IL1F10: variants seen among roughly 807,000 people sequenced by gnomAD.
IL1F10 encodes the protein interleukin 1 family member 10, also known as interleukin-1 family member 10.
A neutral mutation model predicts 13.1 loss-of-function variants in IL1F10; 13 were observed. That is an observed-to-expected ratio of 0.99 (90% CI 0.64 to 1.57). The LOEUF is 1.57. Ranked by LOEUF, IL1F10 falls within the 40% of genes most tolerant of loss-of-function variation. The pLI, the probability that IL1F10 is intolerant of heterozygous loss-of-function variation, is 0.00. For synonymous variants in IL1F10, 78 were observed against 68.2 expected, an observed-to-expected ratio of 1.14 and a Z score of -0.71; for missense variants, 191 against 184.1, an observed-to-expected ratio of 1.04 and a Z score of -0.22.
Position 113,075,316 on chromosome 2 carries a change from G to T in IL1F10, c.411G>T (p.Glu137Asp). The T allele has an allele frequency of 6.2e-7, 1 of 1,601,566 alleles. No individual in the cohort carries two copies. The highest frequency in any genetic ancestry group is 8.5e-7 in the Non-Finnish European group (1 of 1,169,862). The change falls in exon 5 of 5, where the codon GAG (glutamate) becomes GAT (aspartate). Residue 137 changes from glutamate (E) to aspartate (D), a missense_variant. Physicochemically the swap from Glu to Asp is conservative, Grantham distance 45. Transcript: ENST00000341010. ...EPQQPVQLTK[E>D]SEPSARTKFY... ...AGCAGCCAGTACAGCTCACCAAGGAGAGTGAGCCCTCAGCCCGTACCAAGT... is the reference window on the plus strand; with the variant it reads ...AGCAGCCAGTACAGCTCACCAAGGATAGTGAGCCCTCAGCCCGTACCAAGT...
In IL1F10 at chr2:113,072,722, C is replaced by T. The variant is rs374088158; in HGVS notation, c.-17C>T. ...CTCCTCCCCATCAGTGAGGACCAGACACCACTGATTGCAGGAATGTGTTCC... is the reference window on the plus strand; with the variant it reads ...CTCCTCCCCATCAGTGAGGACCAGATACCACTGATTGCAGGAATGTGTTCC... On this transcript the variant is annotated 5_prime_UTR_variant, in exon 2 of 5. Coordinates refer to ENST00000341010, the MANE Select transcript of IL1F10 (RefSeq NM_173161.3). 3 of 1,611,894 alleles carry T rather than the reference C, an allele frequency of 1.9e-6. No homozygotes were observed. Among genetic ancestry groups the T allele is most frequent in the East Asian group, 4.5e-5 (2 of 44,874 alleles).
intron 2 of IL1F10, 119 bp from the exon 3 acceptor site, chr2:113,074,210 T>A: frequency 1.5e-6 from 1 of 687,734 alleles, no homozygotes; most frequent in South Asian, 1.7e-5. Context: ...TTACCACCTG[T>A]GAAGGAGAGA....
chr2:113,071,542 C>CT (rs1685834777), intron 1 of IL1F10, among the ~76,000 whole-genome samples: 1 of 152,214 alleles, frequency 6.6e-6, no homozygotes, highest in African/African-American at 2.4e-5. Context: ...ATCCTTCACT[C>CT]TAAGTCTCAA....
chr2:113,074,430 C>T lies in IL1F10; in HGVS notation c.118+16C>T, dbSNP rs1442450676. 1 of 1,590,852 alleles carries T rather than the reference C, an allele frequency of 6.3e-7. No homozygotes were observed. Among genetic ancestry groups the T allele is most frequent in the East Asian group, 2.2e-5 (1 of 44,740 alleles). On this transcript the variant is annotated intron_variant, in intron 3 of 4. Transcript: ENST00000341010. The stretch of plus-strand genomic sequence containing the variant: ...TGCTGTGCAGGTGAGCTTCTGGGGC[C>T]TCCACCCCATGCTCCATCTGCCATA...
At position 113,075,189 on chromosome 2, in the gene IL1F10, A is replaced by T. The variant is rs919752517; in HGVS notation, c.284A>T (p.Glu95Val). 1 of 1,613,140 alleles carries T rather than the reference A, an allele frequency of 6.2e-7. No individual in the cohort carries two copies. Among genetic ancestry groups the T allele is most frequent in the Non-Finnish European group, 8.5e-7 (1 of 1,179,696 alleles). The change falls in exon 5 of 5, where the codon GAG becomes GTG. Residue 95 changes from glutamate (E) to valine (V), a missense_variant. Glu to Val is a moderately radical substitution (Grantham distance 121). Transcript: ENST00000341010. ...GAGGAACTGTACAAAGGTGGTGAAG[A>T]GGCCACACGCTTCACCTTCTTCCAG... ...NIEELYKGGEEATRFTFFQSS... is the reference protein window; with the variant it reads ...NIEELYKGGEVATRFTFFQSS...
At chr2:113,068,165 A>G (rs765938749) in intron 1 of IL1F10, 149 bp downstream of exon 1, 2 of 152,228 alleles carry the variant, frequency 1.3e-5, no homozygotes. Context: ...ATGATGGGAC[A>G]TCAAAAACAT....
chr2:113,070,385 T>C (rs1302738885), intron 1 of IL1F10, among the ~76,000 whole-genome samples: 1 of 151,934 alleles, frequency 6.6e-6, no homozygotes, highest in Non-Finnish European at 1.5e-5. Flanking sequence ...GAATGGGAGG[T>C]TTCTAGGGCC....
intron 1 of IL1F10, among the ~76,000 whole-genome samples, chr2:113,070,446 A>C (rs767878600): frequency 6.6e-6 from 1 of 152,164 alleles, no homozygotes; most frequent in Non-Finnish European, 1.5e-5. Flanking sequence ...CAGCTCTTTG[A>C]GCTGACACTG....
In IL1F10 at chr2:113,074,381, G is replaced by T; in HGVS notation, c.85G>T (p.Val29Leu). Reference sequence around the variant, plus strand: ...ATACACAAGAGATGGCCAGCTGCTGGTGGGAGATCCTGTTGCAGACAACTG... The same window carrying T: ...ATACACAAGAGATGGCCAGCTGCTGTTGGGAGATCCTGTTGCAGACAACTG... ...ALYTRDGQLL[V>L]GDPVADNCCA... is the part of the protein sequence containing the mutation. Residue 29 changes from valine to leucine, a missense_variant, in exon 3 of 5, where the codon GTG becomes TTG. Coordinates refer to ENST00000341010, the MANE Select transcript of IL1F10 (RefSeq NM_173161.3). 2 of 1,614,000 alleles carry T rather than the reference G, an allele frequency of 1.2e-6. No homozygotes were observed. The highest frequency in any genetic ancestry group is 1.7e-6 in the Non-Finnish European group (2 of 1,179,892).
chr2:113,068,456 C>G (rs1017184977), intron 1 of IL1F10, among the ~76,000 whole-genome samples: 1 of 151,960 alleles, frequency 6.6e-6, no homozygotes, highest in Non-Finnish European at 1.5e-5. Flanking sequence ...AGCAGCTGCC[C>G]TTTATCCTTT....
intron 1 of IL1F10, among the ~76,000 whole-genome samples, chr2:113,071,726 C>G (rs934194233): frequency 3.3e-5 from 5 of 152,174 alleles, no homozygotes; most frequent in African/African-American, 1.2e-4. Flanking sequence ...CCCCAGGGTC[C>G]CTCAGCATCT....
intron 2 of IL1F10, among the ~76,000 whole-genome samples, chr2:113,073,723 C>T (rs1222051465): frequency 6.6e-6 from 1 of 152,066 alleles, no homozygotes; most frequent in Non-Finnish European, 1.5e-5. Flanking sequence ...TAGAAAAATC[C>T]CCTGGAGGTG....
At position 113,075,612 on chromosome 2, in the gene IL1F10, G is replaced by A. The variant is rs147412734; in HGVS notation, c.*248G>A. ...ATCACAAGAAGGAGGCAGGAAGGGA[G>A]AGTCAGAGAGAGAATGGAAGATACC... On this transcript the variant is annotated 3_prime_UTR_variant, in exon 5 of 5. Transcript: ENST00000341010. The A allele has an allele frequency of 9.6e-6, 3 of 313,076 alleles. No individual in the cohort carries two copies. The highest frequency in any genetic ancestry group is 1.2e-5 in the Non-Finnish European group (2 of 171,902). 19.4% of individuals were successfully genotyped at this position (313,076 alleles called of 1,614,324 possible).
chr2:113,068,639 G>A (rs149889709), intron 1 of IL1F10, among the ~76,000 whole-genome samples: 13 of 152,280 alleles, frequency 8.5e-5, no homozygotes, highest in African/African-American at 3.1e-4. Flanking sequence ...TCTATTCAAA[G>A]TCTGCTCTGT....
chr2:113,068,034 A>G lies in IL1F10; in HGVS notation c.-29+18A>G, dbSNP rs1321660870. 2 of 152,228 alleles carry G rather than the reference A, an allele frequency of 1.3e-5. No individual in the cohort carries two copies. Among genetic ancestry groups the G allele is most frequent in the African/African-American group, 4.8e-5 (2 of 41,436 alleles). The allele number at this position is 152,228 out of a possible 1,614,324, so 9.4% of individuals were successfully genotyped here. A position where few individuals can be genotyped will look rare whatever the true frequency, so the allele number is the denominator to read the frequency against. The stretch of plus-strand genomic sequence containing the variant: ...ATCTGCAGGTCAGTGATGGACAGGC[A>G]ATATTCTCTCTCTCTTTTCTTTCTT... On this transcript the variant is annotated intron_variant, in intron 1 of 4. Coordinates refer to ENST00000341010, the MANE Select transcript of IL1F10 (RefSeq NM_173161.3).
chr2:113,075,474 C>T lies in IL1F10; in HGVS notation c.*110C>T. 1 of 768,894 alleles carries T rather than the reference C, an allele frequency of 1.3e-6. No individual in the cohort carries two copies. The highest frequency in any genetic ancestry group is 2.1e-6 in the Non-Finnish European group (1 of 480,218). The allele number at this position is 768,894 out of a possible 1,614,324, so 47.6% of individuals were successfully genotyped here. On this transcript the variant is annotated 3_prime_UTR_variant, in exon 5 of 5. Transcript: ENST00000341010. ...CCGAAATATGTCCACATCCTAATCCCAAGATCTGTGCATATGTTACCATAC... is the reference window on the plus strand; with the variant it reads ...CCGAAATATGTCCACATCCTAATCCTAAGATCTGTGCATATGTTACCATAC...
intron 1 of IL1F10, among the ~76,000 whole-genome samples, chr2:113,069,841 G>T (rs1215714100): frequency 6.6e-6 from 1 of 152,210 alleles, no homozygotes; most frequent in Non-Finnish European, 1.5e-5. Context: ...GGTGTGAAGG[G>T]AGTCATTCAA....
At position 113,075,299 on chromosome 2, in the gene IL1F10, G is replaced by A. The variant is rs765267198; in HGVS notation, c.394G>A (p.Val132Ile). 2 of 1,607,566 alleles carry A rather than the reference G, an allele frequency of 1.2e-6. No homozygotes were observed. Among genetic ancestry groups the A allele is most frequent in the Non-Finnish European group, 8.5e-7 (1 of 1,174,834 alleles). Residue 132 changes from valine to isoleucine, a missense_variant, in exon 5 of 5, where the codon GTA becomes ATA. Val to Ile is a conservative substitution (Grantham distance 29). Transcript: ENST00000341010. ...LCGPAEPQQP[V>I]QLTKESEPSA... The stretch of plus-strand genomic sequence containing the variant: ...TGGCCCGGCAGAGCCCCAGCAGCCA[G>A]TACAGCTCACCAAGGAGAGTGAGCC...
chr2:113,075,149 C>T lies in IL1F10; in HGVS notation c.247-3C>T. 1 of 1,597,264 alleles carries T rather than the reference C, an allele frequency of 6.3e-7. No homozygotes were observed. The highest frequency in any genetic ancestry group is 8.6e-7 in the Non-Finnish European group (1 of 1,169,458). On this transcript the variant is annotated splice_region_variant and splice_polypyrimidine_tract_variant and intron_variant, in intron 4 of 4. Coordinates refer to ENST00000341010, the MANE Select transcript of IL1F10 (RefSeq NM_173161.3). ...TCTGCAGCCATCCACCTTGCCCCCA[C>T]AGGATGTGAACATTGAGGAACTGTA...
Sources: gnomAD v4.1 joint callset for allele counts (sites outside exome capture counted in the v4.1 genomes callset) on GRCh38, gnomAD v4.1.1 for gene constraint, MANE v1.5 for transcripts, NCBI Gene and HGNC (gene_info 2026-07-23, HGNC 2026-07-21) for gene names.